The following ACYP2 variants were observed in gnomAD, a reference collection of about 807,000 sequenced individuals.
ACYP2 encodes acylphosphatase 2, also known as acylphosphatase-2.
In ACYP2, 12 loss-of-function variants were observed where a neutral mutation model predicts 11.2. That is an observed-to-expected ratio of 1.08 (90% CI 0.69 to 1.74). The LOEUF (loss-of-function observed/expected upper bound fraction) is 1.74, where lower values mean the gene tolerates loss of function less well. Ranked by LOEUF, ACYP2 falls within the 40% of genes most tolerant of loss-of-function variation. The probability of loss-of-function intolerance (pLI) is 0.00; values close to 1 mark genes in which losing one functional copy is unlikely to be tolerated. For synonymous variants in ACYP2, 43 were observed against 32.2 expected (o/e 1.33, Z -1.13); for missense variants, 134 against 101.9 (o/e 1.31, Z -1.35).
intron 2 of ACYP2, among the ~76,000 whole-genome samples, chr2:54,015,653 A>T (rs868018213): frequency 0.071 from 9,912 of 138,944 alleles, 432 homozygotes; most frequent in Non-Finnish European, 0.095. Flanking sequence ...CGTCACACAC[A>T]CACACACACA....
rs1229026773 is a variant in ACYP2, at chr2:54,027,567, A to G, written c.63-23391A>G. 2.0e-5 allele frequency among the ~76,000 whole-genome samples: 3 copies of G among 152,194 alleles called. No individual in the cohort carries two copies. The East Asian group carries it at 5.8e-4, about 29-fold the overall frequency. On this transcript the variant is annotated intron_variant, in intron 2 of 6. Transcript: ENST00000607452. The stretch of plus-strand genomic sequence containing the variant: ...AGCTCTCATGTCACATAAAACTTAT[A>G]CTAAATAATTTTGTTATGCTTTTCT...
intron 6 of ACYP2, among the ~76,000 whole-genome samples, chr2:54,177,311 G>C (rs1373370004): frequency 6.6e-6 from 1 of 152,136 alleles, no homozygotes; most frequent in African/African-American, 2.4e-5. Flanking sequence ...TGTTGGAAGA[G>C]GCATCATTCT....
chr2:54,093,634 C>T (rs574049527), intron 4 of ACYP2, among the ~76,000 whole-genome samples: 2 of 152,280 alleles, frequency 1.3e-5, no homozygotes, highest in South Asian at 4.2e-4. Flanking sequence ...GTGGGAATAA[C>T]AATGATATTA....
At chr2:54,097,848 TTTC>T (rs1416669613) in intron 4 of ACYP2, among the ~76,000 whole-genome samples, 1 of 144,672 alleles carries the variant, frequency 6.9e-6, no homozygotes, top group African/African-American at 2.5e-5. Flanking sequence ...TTTCTTTTAT[TTTC>T]TTCTTTCTTT....
intron 2 of ACYP2, among the ~76,000 whole-genome samples, chr2:54,005,807 T>C (rs1673035575): frequency 6.6e-6 from 1 of 152,248 alleles, no homozygotes; most frequent in South Asian, 2.1e-4. Context: ...TTGGCTATCC[T>C]AGGTCTTTTG....
At chr2:54,197,410 T>C (rs1370276788) in intron 6 of ACYP2, among the ~76,000 whole-genome samples, 2 of 152,198 alleles carry the variant, frequency 1.3e-5, no homozygotes, top group Non-Finnish European at 2.9e-5. Context: ...CCCTTTCCCT[T>C]TACCTATAAG....
chr2:54,235,516 A>T (rs843662), intron 6 of ACYP2, among the ~76,000 whole-genome samples: 79,409 of 151,592 alleles, frequency 0.52, 20,970 homozygotes, highest in South Asian at 0.66. Context: ...GCCTGGCTAA[A>T]TTTTTTTGTA....
At chr2:54,113,326 G>A (rs1558536675) in intron 4 of ACYP2, among the ~76,000 whole-genome samples, 1 of 150,546 alleles carries the variant, frequency 6.6e-6, no homozygotes, top group East Asian at 2.0e-4. Context: ...TGCAACCTCT[G>A]CCTCCTGGGC....
chr2:54,147,089 C>A (rs531627984), intron 6 of ACYP2, among the ~76,000 whole-genome samples: 1 of 152,114 alleles, frequency 6.6e-6, no homozygotes, highest in Admixed American at 6.5e-5. Flanking sequence ...AGCCACCGTG[C>A]CTGGCTGCTT....
intron 2 of ACYP2, among the ~76,000 whole-genome samples, chr2:54,014,873 C>A (rs1393203749): frequency 1.3e-5 from 2 of 152,124 alleles, no homozygotes; most frequent in African/African-American, 2.4e-5. Context: ...AGTCCTCCCA[C>A]CTCAGCCTCT....
intron 2 of ACYP2, among the ~76,000 whole-genome samples, chr2:54,031,696 G>A (rs565540376): frequency 3.2e-4 from 49 of 152,104 alleles, no homozygotes; most frequent in African/African-American, 9.9e-4. Flanking sequence ...CTGAGGAATC[G>A]CCACACTGTC....
intron 6 of ACYP2, chr2:54,253,215 A>C (rs1328969194): frequency 6.6e-6 from 1 of 152,244 alleles, no homozygotes; most frequent in Non-Finnish European, 1.5e-5. Context: ...CCATGAACAC[A>C]ATAGTTTCCA....
intron 4 of ACYP2, among the ~76,000 whole-genome samples, chr2:54,132,076 G>A (rs971277949): frequency 1.3e-5 from 2 of 152,146 alleles, no homozygotes; most frequent in African/African-American, 4.8e-5. Flanking sequence ...GGAACTCAGA[G>A]GGGAATATAC....
intron 6 of ACYP2, among the ~76,000 whole-genome samples, chr2:54,264,053 C>A (rs574777886): frequency 6.6e-6 from 1 of 152,180 alleles, no homozygotes; most frequent in Admixed American, 6.5e-5. Flanking sequence ...CTTGGTCTCA[C>A]TGACTTCAAG....
rs181146406 is a variant in ACYP2 at position 54,068,564 on chromosome 2, C to T, written c.277+11204C>T. ...AAGCATAAACTAGGTCCAAAGAGAACTGCTTGGGCTCTGATGGTTTTTCAG... is the reference window on the plus strand; with the variant it reads ...AAGCATAAACTAGGTCCAAAGAGAATTGCTTGGGCTCTGATGGTTTTTCAG... On this transcript the variant is annotated intron_variant, in intron 4 of 6. Coordinates refer to ENST00000607452, the MANE Select transcript of ACYP2 (RefSeq NM_001320586.2). Among the ~76,000 whole-genome samples, 728 of 152,290 alleles carry T rather than the reference C, an allele frequency of 4.8e-3. 2 individuals carry two copies. The highest frequency in any genetic ancestry group is 8.7e-3 in the Non-Finnish European group (592 of 68,008).
intron 6 of ACYP2, among the ~76,000 whole-genome samples, chr2:54,286,334 G>C (rs1351881587): frequency 6.6e-6 from 1 of 151,952 alleles, no homozygotes; most frequent in Non-Finnish European, 1.5e-5. Flanking sequence ...TTGCTAGCCT[G>C]GAAAAAGATC....
At chr2:54,212,456 C>T (rs1685367468) in intron 6 of ACYP2, among the ~76,000 whole-genome samples, 1 of 152,188 alleles carries the variant, frequency 6.6e-6, no homozygotes, top group Non-Finnish European at 1.5e-5. Context: ...AATGCATTTC[C>T]TTGTGCTTTA....
At chr2:54,238,527 A>G (rs843659) in intron 6 of ACYP2, among the ~76,000 whole-genome samples, 36,326 of 151,886 alleles carry the variant, frequency 0.24, 4,655 homozygotes, top group South Asian at 0.43. Flanking sequence ...AATCTTTCGA[A>G]TGTAAAGATA....
At chr2:54,270,183 T>C (rs1475108987) in intron 6 of ACYP2, among the ~76,000 whole-genome samples, 1 of 151,878 alleles carries the variant, frequency 6.6e-6, no homozygotes, top group Non-Finnish European at 1.5e-5. Flanking sequence ...GTTTCAATCA[T>C]TGTTAGTTTT....
Sources: allele counts gnomAD v4.1 joint callset (sites outside exome capture counted in the v4.1 genomes callset), GRCh38; gene constraint gnomAD v4.1.1; transcripts MANE v1.5; gene names NCBI Gene and HGNC (gene_info 2026-07-23, HGNC 2026-07-21).